The following NHEJ1 variants were observed in gnomAD, a reference collection of about 807,000 sequenced individuals.
NHEJ1 encodes the protein non-homologous end-joining factor 1.
Under a neutral mutation model 39.4 loss-of-function variants are expected in NHEJ1, and 22 were observed. The ratio of observed to expected loss-of-function variants is 0.56; its 90% CI spans 0.40 to 0.80. NHEJ1 has a LOEUF of 0.80. NHEJ1 is among the 30% of genes least tolerant of loss of function. The pLI is 0.00. For missense variants in NHEJ1, 329 were observed against 357.1 expected (o/e 0.92, Z 0.63); for synonymous variants, 154 against 135.6 (o/e 1.14, Z -0.94).
chr2:219,094,813 A>G (rs1949191466), intron 5 of NHEJ1, among the ~76,000 whole-genome samples: 2 of 152,176 alleles, frequency 1.3e-5, no homozygotes, highest in Admixed American at 6.5e-5. Context: ...GGCTGACCCT[A>G]CGCAACAGAA....
chr2:219,103,365 TC>T (rs1229554929), intron 5 of NHEJ1, among the ~76,000 whole-genome samples: 1 of 151,782 alleles, frequency 6.6e-6, no homozygotes, highest in Non-Finnish European at 1.5e-5. Context: ...AACCTCTGCC[TC>T]CCGGGTTCAA....
In NHEJ1 at chr2:219,097,860, T is replaced by C. The variant is rs1949223484; in HGVS notation, c.589-19654A>G. 2.0e-5 allele frequency among the ~76,000 whole-genome samples: 3 copies of C among 152,250 alleles called. No homozygotes were observed. In the South Asian group the frequency reaches 6.2e-4, roughly 32 times the overall value. Reference sequence around the variant, plus strand: ...TTTAAAGCCATGAGACTGAATGTGATCACCAACAGAGCAAATGTGGGTAGA... The same window carrying C: ...TTTAAAGCCATGAGACTGAATGTGACCACCAACAGAGCAAATGTGGGTAGA... On this transcript the variant is annotated intron_variant, in intron 5 of 7. Coordinates refer to ENST00000356853, the MANE Select transcript of NHEJ1 (RefSeq NM_024782.3).
At chr2:219,121,084 T>A (rs1002012295) in intron 5 of NHEJ1, among the ~76,000 whole-genome samples, 1 of 152,004 alleles carries the variant, frequency 6.6e-6, no homozygotes, top group Admixed American at 6.6e-5. Flanking sequence ...TGCATGCCTA[T>A]AATCCCAGCT....
At chr2:219,115,589 A>G (rs1194153346) in intron 5 of NHEJ1, among the ~76,000 whole-genome samples, 2 of 152,236 alleles carry the variant, frequency 1.3e-5, no homozygotes, top group Non-Finnish European at 2.9e-5. Context: ...CACAACAGAT[A>G]TAACTCTGAC....
chr2:219,093,585 C>G (rs1322015086), intron 5 of NHEJ1, among the ~76,000 whole-genome samples: 2 of 152,120 alleles, frequency 1.3e-5, no homozygotes, highest in African/African-American at 4.8e-5. Context: ...GAGAAGGGAA[C>G]AGAATGACCT....
At chr2:219,112,434 C>T (rs750680479) in intron 5 of NHEJ1, among the ~76,000 whole-genome samples, 1 of 152,052 alleles carries the variant, frequency 6.6e-6, no homozygotes, top group Non-Finnish European at 1.5e-5. Flanking sequence ...AATTCCATTC[C>T]AGCTAACTGT....
chr2:219,159,406 G>T (rs929809612), intron 1 of NHEJ1: 1 of 151,258 alleles, frequency 6.6e-6, no homozygotes, highest in African/African-American at 2.4e-5. Flanking sequence ...AGAAGTACCA[G>T]GAAGGAAAAA....
At chr2:219,129,655 A>T (rs1949557796) in intron 5 of NHEJ1, among the ~76,000 whole-genome samples, 1 of 152,262 alleles carries the variant, frequency 6.6e-6, no homozygotes, top group Non-Finnish European at 1.5e-5. Flanking sequence ...AGGAGGAAAC[A>T]GAATAAGCAA....
intron 5 of NHEJ1, among the ~76,000 whole-genome samples, chr2:219,146,282 C>T (rs566262119): frequency 1.3e-5 from 2 of 152,254 alleles, no homozygotes; most frequent in East Asian, 3.9e-4. Context: ...ACCTTCCTCT[C>T]CTGCAGGATC....
rs1354904568 is a variant in NHEJ1, at chr2:219,070,586, C to T, written c.*5795G>A. Among the ~76,000 whole-genome samples the T allele has an allele frequency of 6.6e-6, 1 of 152,254 alleles. No individual in the cohort carries two copies. Among genetic ancestry groups the T allele is most frequent in the African/African-American group, 2.4e-5 (1 of 41,468 alleles). ...TCCTAGCCTCAAGCAATCCTCCCGC[C>T]TCAGCCTCCCAAAGTGCTGGGATTA... On this transcript the variant is annotated 3_prime_UTR_variant, in exon 8 of 8. Transcript: ENST00000356853.
chr2:219,111,859 G>A lies in NHEJ1; in HGVS notation c.589-33653C>T, dbSNP rs1574718854. On this transcript the variant is annotated intron_variant, in intron 5 of 7. Transcript: ENST00000356853. The surrounding 1 kb of genome is among the most constrained non-coding windows in gnomAD (Gnocchi z 4.1). Reference sequence around the variant, plus strand: ...GGGACTGACCACAGCTGCCCCACGCGCTTGGCCAGCATCATGGCAGGATGG... The same window carrying A: ...GGGACTGACCACAGCTGCCCCACGCACTTGGCCAGCATCATGGCAGGATGG... 1.3e-5 allele frequency among the ~76,000 whole-genome samples: 2 copies of A among 152,136 alleles called. No homozygotes were observed. Among genetic ancestry groups the A allele is most frequent in the African/African-American group, 4.8e-5 (2 of 41,416 alleles).
rs1949695303 is a variant in NHEJ1, at chr2:219,141,907, CA to C, written c.588+4772del. On this transcript the variant is annotated intron_variant, in intron 5 of 7. Transcript: ENST00000356853. ...CAATTAGAAGTGTGAACAAGCTTAA[CA>C]AGATGGCAATTTTCAAGTTAAAGCA... Among the ~76,000 whole-genome samples the C allele has an allele frequency of 2.0e-5, 3 of 152,118 alleles. No individual in the cohort carries two copies. In the South Asian group the frequency reaches 6.2e-4, roughly 31 times the overall value.
At chr2:219,135,013 C>T (rs540709910) in intron 5 of NHEJ1, among the ~76,000 whole-genome samples, 3 of 98,866 alleles carry the variant, frequency 3.0e-5, no homozygotes, top group South Asian at 3.0e-4. Flanking sequence ...GCACTCCAGC[C>T]GGGCAACAAA....
At chr2:219,098,160 G>A (rs956077356) in intron 5 of NHEJ1, among the ~76,000 whole-genome samples, 5 of 152,098 alleles carry the variant, frequency 3.3e-5, no homozygotes, top group Non-Finnish European at 4.4e-5. Flanking sequence ...ATGGAGTGAT[G>A]GGACCCAAAA....
chr2:219,133,169 C>G (rs1949594859), intron 5 of NHEJ1, among the ~76,000 whole-genome samples: 1 of 152,192 alleles, frequency 6.6e-6, no homozygotes, highest in Admixed American at 6.5e-5. Flanking sequence ...GACAGCTAAG[C>G]TGCCAACCTA....
intron 5 of NHEJ1, among the ~76,000 whole-genome samples, chr2:219,133,428 C>A (rs1176327538): frequency 2.6e-5 from 4 of 152,186 alleles, no homozygotes; most frequent in Non-Finnish European, 1.5e-5. Context: ...AGGCTACAAC[C>A]AGGTACCTCC....
rs1949894843 is a variant in NHEJ1, at chr2:219,159,528, T to TATATGC, written c.1-1167_1-1166insGCATAT. Among the ~76,000 whole-genome samples the TATATGC allele has an allele frequency of 2.2e-5, 2 of 92,236 alleles. 1 individual carries two copies. Among genetic ancestry groups the TATATGC allele is most frequent in the Non-Finnish European group, 4.3e-5 (2 of 46,498 alleles). 60.5% of individuals were successfully genotyped at this position (92,236 alleles called of 152,430 possible). A position where few individuals can be genotyped will look rare whatever the true frequency, so the allele number is the denominator to read the frequency against. ...TGACATAACTTTATATATATATGCATATATATATGCATATATATATATGCA... is the reference window on the plus strand; with the variant it reads ...TGACATAACTTTATATATATATGCATATATGCATATATATGCATATATATATATGCA... On this transcript the variant is annotated intron_variant, in intron 1 of 7. Transcript: ENST00000356853.
At chr2:219,110,415 G>A (rs371451685) in intron 5 of NHEJ1, among the ~76,000 whole-genome samples, 1 of 151,876 alleles carries the variant, frequency 6.6e-6, no homozygotes, top group Admixed American at 6.6e-5. Flanking sequence ...CCAACTACTC[G>A]GGAGGCTAAG....
intron 5 of NHEJ1, among the ~76,000 whole-genome samples, chr2:219,125,180 T>A (rs1949503755): frequency 6.7e-6 from 1 of 148,560 alleles, no homozygotes; most frequent in African/African-American, 2.5e-5. Context: ...CCCATACACA[T>A]CATAGATAGT....
Sources: allele counts gnomAD v4.1 joint callset (sites outside exome capture counted in the v4.1 genomes callset), GRCh38; gene constraint gnomAD v4.1.1; non-coding constraint Gnocchi (gnomAD v3.1); transcripts MANE v1.5; gene names NCBI Gene and HGNC (gene_info 2026-07-23, HGNC 2026-07-21).